Variants in PRKCE observed in about 807,000 individuals in gnomAD.
The protein encoded by PRKCE is protein kinase C epsilon type.
A neutral mutation model predicts 85.4 loss-of-function variants in PRKCE; 16 were observed. The observed-to-expected ratio is 0.19, with a 90% CI of 0.13 to 0.28. The LOEUF (loss-of-function observed/expected upper bound fraction) is 0.28, where lower values mean the gene tolerates loss of function less well. Among genes scored for constraint, PRKCE ranks in the 10% least tolerant of loss-of-function variants. The pLI is 1.00. For synonymous variants in PRKCE, 388 were observed against 371.5 expected, an observed-to-expected ratio of 1.04 and a Z score of -0.51; for missense variants, 573 against 975.2, an observed-to-expected ratio of 0.59 and a Z score of 5.49.
At chr2:45,698,988 G>A (rs1678387579) in intron 1 of PRKCE, among the ~76,000 whole-genome samples, 1 of 152,140 alleles carries the variant, frequency 6.6e-6, no homozygotes, top group Non-Finnish European at 1.5e-5. Context: ...TTGTCATCTT[G>A]TTTTAAGACT....
At chr2:45,676,989 C>T (rs1316808580) in intron 1 of PRKCE, 1 of 152,092 alleles carries the variant, frequency 6.6e-6, no homozygotes, top group African/African-American at 2.4e-5. Flanking sequence ...TGTATGCCAC[C>T]AGAGTACCCA....
chr2:46,117,725 G>A (rs1042266215), intron 11 of PRKCE, among the ~76,000 whole-genome samples: 4 of 152,164 alleles, frequency 2.6e-5, no homozygotes, highest in African/African-American at 9.7e-5. Context: ...TATTAAATGA[G>A]GTGATACTTG....
intron 1 of PRKCE, among the ~76,000 whole-genome samples, chr2:45,748,864 G>A (rs886093515): frequency 4.0e-5 from 6 of 151,020 alleles, no homozygotes; most frequent in South Asian, 4.2e-4. Context: ...AGGCTATCAG[G>A]ACTTCAAAAA....
chr2:46,143,903 C>G (rs949419290), intron 11 of PRKCE, among the ~76,000 whole-genome samples: 8 of 152,244 alleles, frequency 5.3e-5, no homozygotes, highest in African/African-American at 1.9e-4. Flanking sequence ...TGCACTCAGG[C>G]CTGGATCCCT....
intron 2 of PRKCE, among the ~76,000 whole-genome samples, chr2:45,867,964 C>G (rs980090924): frequency 1.3e-5 from 2 of 152,068 alleles, no homozygotes; most frequent in Non-Finnish European, 2.9e-5. Flanking sequence ...ACAGGAAGTC[C>G]ACTTGAAGTT....
At chr2:46,144,926 C>T (rs1225869654) in intron 11 of PRKCE, among the ~76,000 whole-genome samples, 167 bp from the exon 12 acceptor site, 1 of 152,196 alleles carries the variant, frequency 6.6e-6, no homozygotes, top group African/African-American at 2.4e-5. Context: ...TAGGGGCTGA[C>T]TAACATGAGA....
intron 10 of PRKCE, among the ~76,000 whole-genome samples, chr2:46,058,497 G>T (rs1666816059): frequency 6.6e-6 from 1 of 152,190 alleles, no homozygotes; most frequent in African/African-American, 2.4e-5. Flanking sequence ...CCATAAACCT[G>T]GCTTGGAGAA....
At chr2:45,678,823 C>T (rs1455898916) in intron 1 of PRKCE, among the ~76,000 whole-genome samples, 2 of 152,062 alleles carry the variant, frequency 1.3e-5, no homozygotes, top group Non-Finnish European at 2.9e-5. Flanking sequence ...AAACTTAAAG[C>T]AAGTATAATG....
chr2:46,002,302 C>A (rs1172125424), intron 7 of PRKCE, among the ~76,000 whole-genome samples: 1 of 152,196 alleles, frequency 6.6e-6, no homozygotes, highest in Non-Finnish European at 1.5e-5. Context: ...GGCAGAAAAT[C>A]CGGGTGAAGG....
intron 11 of PRKCE, among the ~76,000 whole-genome samples, chr2:46,143,269 A>G (rs1424983627): frequency 6.6e-6 from 1 of 152,060 alleles, no homozygotes; most frequent in Non-Finnish European, 1.5e-5. Context: ...TTCCTTTTCC[A>G]ATTAGTATCA....
intron 2 of PRKCE, among the ~76,000 whole-genome samples, chr2:45,906,624 G>C (rs1573827317): frequency 6.6e-6 from 1 of 152,156 alleles, no homozygotes; most frequent in African/African-American, 2.4e-5. Context: ...TCTTACCTCT[G>C]CTGGGTTAGG....
intron 1 of PRKCE, among the ~76,000 whole-genome samples, chr2:45,836,890 C>T (rs1690926009): frequency 6.6e-6 from 1 of 152,224 alleles, no homozygotes; most frequent in African/African-American, 2.4e-5. Flanking sequence ...TTTTGCCTCT[C>T]TCCACGCCTT....
At chr2:45,754,287 G>A (rs6716622) in intron 1 of PRKCE, among the ~76,000 whole-genome samples, 15,497 of 152,150 alleles carry the variant, frequency 0.1, 1,375 homozygotes, top group African/African-American at 0.24. Context: ...AGGCAAGGAG[G>A]CCAGGCATGT....
At chr2:46,130,521 G>C (rs1674328163) in intron 11 of PRKCE, among the ~76,000 whole-genome samples, 1 of 152,102 alleles carries the variant, frequency 6.6e-6, no homozygotes, top group Non-Finnish European at 1.5e-5. Context: ...TTCAATTTTT[G>C]TCATAGCACT....
chr2:45,756,410 G>A (rs1684009337), intron 1 of PRKCE, among the ~76,000 whole-genome samples: 1 of 152,190 alleles, frequency 6.6e-6, no homozygotes, highest in Non-Finnish European at 1.5e-5. Flanking sequence ...TGATCGTATA[G>A]TCTCTCTGGA....
chr2:46,094,807 TA>T (rs70937986), intron 11 of PRKCE, among the ~76,000 whole-genome samples: 88,424 of 146,494 alleles, frequency 0.6, 26,865 homozygotes, highest in Non-Finnish European at 0.69. Flanking sequence ...AAGTTGAAGT[TA>T]AAAAAAAAAA....
chr2:45,789,081 G>A (rs1268138389), intron 1 of PRKCE, among the ~76,000 whole-genome samples: 5 of 152,130 alleles, frequency 3.3e-5, no homozygotes, highest in Non-Finnish European at 2.9e-5. Context: ...CCACCGCACT[G>A]AAGACTTGTG....
chr2:45,771,607 C>T (rs180769723), intron 1 of PRKCE, among the ~76,000 whole-genome samples: 119 of 152,262 alleles, frequency 7.8e-4, no homozygotes, highest in African/African-American at 2.8e-3. Context: ...TGGCCATCTT[C>T]CTCTTCCTCC....
At chr2:45,931,277 CT>C (rs1488550109) in intron 2 of PRKCE, among the ~76,000 whole-genome samples, 1 of 152,186 alleles carries the variant, frequency 6.6e-6, no homozygotes, top group Non-Finnish European at 1.5e-5. Context: ...ACATGCCTGG[CT>C]TTGTGCTCAA....
Sources: gnomAD v4.1 joint callset for allele counts (sites outside exome capture counted in the v4.1 genomes callset) on GRCh38, gnomAD v4.1.1 for gene constraint, MANE v1.5 for transcripts, NCBI Gene and HGNC (gene_info 2026-07-23, HGNC 2026-07-21) for gene names.